Variants in NCAM2 observed in about 807,000 individuals in gnomAD.
NCAM2 encodes neural cell adhesion molecule 2.
In NCAM2, 30 loss-of-function variants were observed where a neutral mutation model predicts 98.1. That is an observed-to-expected ratio of 0.31 (90% confidence interval 0.23 to 0.41). NCAM2 has a LOEUF of 0.41. NCAM2 is among the 10% of genes least tolerant of loss of function. The pLI is 1.00. For synonymous variants in NCAM2, 368 were observed against 342.4 expected, an observed-to-expected ratio of 1.07 and a Z score of -0.83; for missense variants, 867 against 1,005.8, an observed-to-expected ratio of 0.86 and a Z score of 1.87.
chr21:21,338,562 T>G, intron 8 of NCAM2, 28 bp downstream of exon 8: 1 of 1,526,714 alleles, frequency 6.6e-7, no homozygotes, highest in Non-Finnish European at 8.8e-7. Context: ...TGTAATGGTT[T>G]CCATTACCAT....
chr21:21,024,383 TG>T (rs199841222), intron 1 of NCAM2, among the ~76,000 whole-genome samples: 8 of 151,480 alleles, frequency 5.3e-5, no homozygotes, highest in South Asian at 2.1e-4. Context: ...CAAGAAATCC[TG>T]GGGGGGGAAA....
intron 1 of NCAM2, among the ~76,000 whole-genome samples, chr21:21,209,372 T>C (rs945053827): frequency 6.6e-6 from 1 of 152,198 alleles, no homozygotes; most frequent in Non-Finnish European, 1.5e-5. Flanking sequence ...TACAACACAA[T>C]GCCCAGTTAA....
chr21:21,513,980 C>T (rs1988553293), intron 16 of NCAM2, among the ~76,000 whole-genome samples: 1 of 151,882 alleles, frequency 6.6e-6, no homozygotes, highest in East Asian at 1.9e-4. Flanking sequence ...CTTATTCAAG[C>T]ATTTTAGTCA....
intron 5 of NCAM2, among the ~76,000 whole-genome samples, chr21:21,300,493 T>C (rs1429814821): frequency 6.6e-6 from 1 of 151,668 alleles, no homozygotes; most frequent in Non-Finnish European, 1.5e-5. Context: ...TTGAAGATAT[T>C]GATAGAACTT....
intron 9 of NCAM2, chr21:21,385,666 T>C: frequency 7.8e-7 from 1 of 1,286,026 alleles, no homozygotes; most frequent in Non-Finnish European, 1.0e-6. Context: ...GTTACTTTAC[T>C]AAGAAGCAGG....
intron 16 of NCAM2, among the ~76,000 whole-genome samples, chr21:21,531,040 T>A (rs900040617): frequency 2.6e-5 from 4 of 152,298 alleles, no homozygotes; most frequent in Non-Finnish European, 4.4e-5. Flanking sequence ...TTTGCATTTG[T>A]CTATTTAGGT....
At chr21:21,193,698 G>A (rs2068904165) in intron 1 of NCAM2, among the ~76,000 whole-genome samples, 1 of 151,958 alleles carries the variant, frequency 6.6e-6, no homozygotes, top group Admixed American at 6.6e-5. Flanking sequence ...GTTTCACCAT[G>A]TTGGCCAGGA....
intron 1 of NCAM2, among the ~76,000 whole-genome samples, chr21:21,212,309 A>G (rs938928236): frequency 6.6e-6 from 1 of 152,264 alleles, no homozygotes; most frequent in African/African-American, 2.4e-5. Flanking sequence ...AAAAAGTTGT[A>G]TAATTCTACT....
chr21:21,337,817 T>C (rs144082165), intron 7 of NCAM2, among the ~76,000 whole-genome samples: 3 of 152,098 alleles, frequency 2.0e-5, no homozygotes, highest in African/African-American at 4.8e-5. Flanking sequence ...TGGAATAATA[T>C]ATATAAGTAA....
chr21:21,057,416 T>A (rs543737724), intron 1 of NCAM2, among the ~76,000 whole-genome samples: 1 of 152,268 alleles, frequency 6.6e-6, no homozygotes, highest in East Asian at 1.9e-4. Context: ...TAATGACACT[T>A]CCATTTTAAA....
At chr21:21,031,628 A>T (rs1171883674) in intron 1 of NCAM2, among the ~76,000 whole-genome samples, 1 of 152,258 alleles carries the variant, frequency 6.6e-6, no homozygotes, top group East Asian at 1.9e-4. Flanking sequence ...GCTGTAAAGT[A>T]TGTCTCCAAT....
Position 21,509,048 on chromosome 21 carries a change from G to A in NCAM2, c.2275G>A (p.Ala759Thr), listed in dbSNP as rs749692244. 27 of 1,613,246 alleles carry A rather than the reference G, an allele frequency of 1.7e-5. No homozygotes were observed. Among genetic ancestry groups the A allele is most frequent in the Non-Finnish European group, 2.2e-5 (26 of 1,179,726 alleles). The change falls in exon 16 of 18, where the codon GCA (alanine) becomes ACA (threonine). Residue 759 changes from alanine to threonine, a missense_variant. Coordinates refer to ENST00000400546, the MANE Select transcript of NCAM2 (RefSeq NM_004540.5). ...KSKELEEGKAAYLKDGSKEPI... is the reference protein window; with the variant it reads ...KSKELEEGKATYLKDGSKEPI... Reference sequence around the variant, plus strand: ...TAAAGAACTCGAAGAAGGAAAAGCTGCATACCTGTGAGTATCAGGCATCTA... The same window carrying A: ...TAAAGAACTCGAAGAAGGAAAAGCTACATACCTGTGAGTATCAGGCATCTA...
At chr21:21,418,344 T>A (rs1352232705) in intron 10 of NCAM2, 129 bp from the exon 11 acceptor site, 5 of 653,988 alleles carry the variant, frequency 7.6e-6, no homozygotes, top group Non-Finnish European at 1.3e-5. Context: ...ATAAAGAAAA[T>A]TAAAAATATA....
chr21:21,280,455 T>A (rs1451653484), intron 1 of NCAM2, 123 bp from the exon 2 acceptor site: 6 of 609,122 alleles, frequency 9.9e-6, no homozygotes, highest in Non-Finnish European at 1.7e-5. Flanking sequence ...TTTTTCTTTA[T>A]AGGTAATAAA....
At chr21:21,314,174 T>C (rs1256968082) in intron 5 of NCAM2, among the ~76,000 whole-genome samples, 1 of 152,154 alleles carries the variant, frequency 6.6e-6, no homozygotes, top group Admixed American at 6.5e-5. Flanking sequence ...TTTTCTCTTT[T>C]AGAAGGCGCC....
intron 1 of NCAM2, among the ~76,000 whole-genome samples, chr21:21,045,260 A>G (rs1041976872): frequency 6.6e-6 from 1 of 152,244 alleles, no homozygotes; most frequent in Non-Finnish European, 1.5e-5. Flanking sequence ...AGTGAAACAC[A>G]GACAAGGCAA....
intron 16 of NCAM2, 101 bp from the exon 17 acceptor site, chr21:21,534,436 T>G: frequency 1.0e-6 from 1 of 1,002,916 alleles, no homozygotes; most frequent in Non-Finnish European, 1.4e-6. Flanking sequence ...GTTGGATTTA[T>G]TTGGAGGAAG....
intron 15 of NCAM2, among the ~76,000 whole-genome samples, chr21:21,484,449 A>G (rs763993136): frequency 1.3e-5 from 2 of 152,058 alleles, no homozygotes; most frequent in East Asian, 1.9e-4. Context: ...AATTTTCATC[A>G]TGCAGATAAA....
At chr21:21,289,838 A>G (rs972648558) in intron 4 of NCAM2, among the ~76,000 whole-genome samples, 5 of 151,952 alleles carry the variant, frequency 3.3e-5, no homozygotes, top group Non-Finnish European at 7.4e-5. Context: ...AGTTGAGAAG[A>G]ATATTTGTAT....
Sources: allele counts gnomAD v4.1 joint callset (sites outside exome capture counted in the v4.1 genomes callset), GRCh38; gene constraint gnomAD v4.1.1; transcripts MANE v1.5; gene names NCBI Gene and HGNC (gene_info 2026-07-23, HGNC 2026-07-21).